The following PKHD1L1 variants were observed in gnomAD, a reference collection of about 807,000 sequenced individuals.
PKHD1L1 encodes the protein fibrocystin-L.
PKHD1L1 carries 434 observed loss-of-function variants against 462.9 expected under a neutral mutation model. That is an observed-to-expected ratio of 0.94 (90% CI 0.87 to 1.02). PKHD1L1 has a LOEUF of 1.02. PKHD1L1 is among the 50% of genes least tolerant of loss of function. The pLI is 0.00. For synonymous variants in PKHD1L1, 1,781 were observed against 1,750.0 expected (o/e 1.02, Z -0.44); for missense variants, 5,202 against 5,096.1 (o/e 1.02, Z -0.63).
At chr8:109,396,743 T>A (rs978930701) in intron 11 of PKHD1L1, among the ~76,000 whole-genome samples, 1 of 152,178 alleles carries the variant, frequency 6.6e-6, no homozygotes, top group Non-Finnish European at 1.5e-5. Flanking sequence ...AAGAGGTGAA[T>A]GTGATTGTGG....
Position 109,449,477 on chromosome 8 carries a change from A to T in PKHD1L1, c.6165A>T (p.Pro2055=). ...SDYTTLLCEI[P]SNNGTGAEQA... ...ACACAACACTATTATGTGAAATTCC[A>T]TCTAATAATGGTAAGTTGTCAGAAA... is the stretch of plus-strand genomic sequence containing the variant. Residue 2055 remains proline (P), a synonymous_variant, in exon 40 of 78, where the codon CCA becomes CCT. Coordinates refer to ENST00000378402, the MANE Select transcript of PKHD1L1 (RefSeq NM_177531.6). 1 of 1,592,564 alleles carries T rather than the reference A, an allele frequency of 6.3e-7. No homozygotes were observed. Among genetic ancestry groups the T allele is most frequent in the Non-Finnish European group, 8.6e-7 (1 of 1,169,156 alleles).
rs775729019 is a variant in PKHD1L1 at position 109,491,084 on chromosome 8, A to G, written c.10097A>G (p.His3366Arg). 6.2e-7 allele frequency: 1 copy of G among 1,608,780 alleles called. No individual in the cohort carries two copies. The highest frequency in any genetic ancestry group is 8.5e-7 in the Non-Finnish European group (1 of 1,176,420). ...TTGGACATAGATGACAACATCATTCACTTTACAGTGGGGGAAGGTAATATA... is the reference window on the plus strand; with the variant it reads ...TTGGACATAGATGACAACATCATTCGCTTTACAGTGGGGGAAGGTAATATA... ...DGLDIDDNII[H>R]FTVGEGIRIW... The change falls in exon 61 of 78, where the codon CAC becomes CGC. Residue 3366 changes from histidine (H) to arginine (R), a missense_variant. This residue lies in a region of PKHD1L1 where 4,497 missense variants were observed against 4,336.8 expected (regional missense o/e 1.04). Coordinates refer to ENST00000378402, the MANE Select transcript of PKHD1L1 (RefSeq NM_177531.6).
rs1259853864 is a variant in PKHD1L1, at chr8:109,400,299, C to A, written c.1236C>A (p.Asp412Glu). 1 of 1,613,348 alleles carries A rather than the reference C, an allele frequency of 6.2e-7. No individual in the cohort carries two copies. The highest frequency in any genetic ancestry group is 1.3e-5 in the African/African-American group (1 of 74,984). Residue 412 changes from aspartate (D) to glutamate (E), a missense_variant, in exon 13 of 78, where the codon GAC becomes GAA. Asp to Glu is a conservative substitution (Grantham distance 45). Transcript: ENST00000378402. ...ATAGATTCTACATCAAGGGTGATGACCGTTATGCTATTTATTTTAGCCAGA... is the reference window on the plus strand; with the variant it reads ...ATAGATTCTACATCAAGGGTGATGAACGTTATGCTATTTATTTTAGCCAGA... ...DVYRFYIKGD[D>E]RYAIYFSQTG...
chr8:109,506,991 G>C (rs1249309237), intron 68 of PKHD1L1, among the ~76,000 whole-genome samples: 1 of 152,076 alleles, frequency 6.6e-6, no homozygotes. Context: ...ATCTACATTT[G>C]AACTGCATGA....
In PKHD1L1 at chr8:109,388,576, A is replaced by T. The variant is rs1431771091; in HGVS notation, c.623+26A>T. The stretch of plus-strand genomic sequence containing the variant: ...GTAAGTAATTCAAATTATTTTCTTT[A>T]CAAAAACAAATAGCAGATATAAGCA... On this transcript the variant is annotated intron_variant, in intron 7 of 77. Transcript: ENST00000378402. The T allele has an allele frequency of 2.1e-6, 3 of 1,442,122 alleles. No individual in the cohort carries two copies. The African/African-American group carries it at 4.3e-5, about 21-fold the overall frequency. 89.3% of individuals were successfully genotyped at this position (1,442,122 alleles called of 1,614,324 possible).
At chr8:109,515,400 TCAA>T (rs1436172054) in intron 72 of PKHD1L1, 95 bp downstream of exon 72, 9 of 1,061,258 alleles carry the variant, frequency 8.5e-6, no homozygotes, top group African/African-American at 1.7e-5. Context: ...TCCTTATCTA[TCAA>T]TGATGGAGAA....
intron 77 of PKHD1L1, 139 bp from the exon 78 acceptor site, chr8:109,529,941 A>G: frequency 6.9e-6 from 3 of 433,072 alleles, no homozygotes; most frequent in Non-Finnish European, 1.1e-5. Context: ...TACTGATTCT[A>G]ACATTAAATG....
At chr8:109,370,647 A>G (rs1811456320) in intron 2 of PKHD1L1, among the ~76,000 whole-genome samples, 1 of 152,080 alleles carries the variant, frequency 6.6e-6, no homozygotes, top group African/African-American at 2.4e-5. Context: ...TACTAATGCT[A>G]TCCCTACCCC....
intron 2 of PKHD1L1, among the ~76,000 whole-genome samples, chr8:109,372,656 C>T (rs977608819): frequency 6.6e-6 from 1 of 152,078 alleles, no homozygotes; most frequent in African/African-American, 2.4e-5. Context: ...ACAGATAGCT[C>T]TTATTATTTT....
chr8:109,428,161 T>A (rs1814878082), intron 25 of PKHD1L1, among the ~76,000 whole-genome samples: 1 of 151,974 alleles, frequency 6.6e-6, no homozygotes, highest in South Asian at 2.1e-4. Flanking sequence ...AGTATCTTAA[T>A]ACAGAGACCT....
chr8:109,398,938 A>G (rs1813113975), intron 12 of PKHD1L1, among the ~76,000 whole-genome samples: 1 of 152,170 alleles, frequency 6.6e-6, no homozygotes, highest in African/African-American at 2.4e-5. Flanking sequence ...TCACTTGTCT[A>G]GAATAATGTG....
chr8:109,453,298 G>A (rs1816642191), intron 43 of PKHD1L1, among the ~76,000 whole-genome samples: 1 of 152,142 alleles, frequency 6.6e-6, no homozygotes, highest in Non-Finnish European at 1.5e-5. Flanking sequence ...GATTTGTTCA[G>A]GTCTATCCTA....
At chr8:109,494,366 T>C (rs1818984038) in intron 63 of PKHD1L1, among the ~76,000 whole-genome samples, 1 of 151,970 alleles carries the variant, frequency 6.6e-6, no homozygotes, top group Non-Finnish European at 1.5e-5. Flanking sequence ...CGTTTACCTT[T>C]ACTCAGTATT....
intron 5 of PKHD1L1, 51 bp downstream of exon 5, chr8:109,384,178 GT>G (rs1350474315): frequency 7.6e-7 from 1 of 1,307,412 alleles, no homozygotes; most frequent in Non-Finnish European, 1.1e-6. Flanking sequence ...TAAATAATGT[GT>G]TTATTTTTTA....
Position 109,501,996 on chromosome 8 carries a change from A to G in PKHD1L1, c.10829-2331A>G, listed in dbSNP as rs1819440599. On this transcript the variant is annotated intron_variant, in intron 67 of 77. Coordinates refer to ENST00000378402, the MANE Select transcript of PKHD1L1 (RefSeq NM_177531.6). ...CTTAGATCAGTTCTCTCTCCACAAA[A>G]AGTAGGTGACCCTGTGTACTACCCA... is the stretch of plus-strand genomic sequence containing the variant. 2.0e-5 allele frequency among the ~76,000 whole-genome samples: 3 copies of G among 152,014 alleles called. No homozygotes were observed. In the South Asian group the frequency reaches 6.2e-4, roughly 32 times the overall value.
chr8:109,380,691 A>G (rs549139492), intron 2 of PKHD1L1, among the ~76,000 whole-genome samples: 1 of 152,158 alleles, frequency 6.6e-6, no homozygotes, highest in Non-Finnish European at 1.5e-5. Flanking sequence ...AGAAATTCCC[A>G]GCAATATTGA....
chr8:109,480,631 C>A (rs1216918301), intron 55 of PKHD1L1: 1 of 455,378 alleles, frequency 2.2e-6, no homozygotes, highest in Non-Finnish European at 4.4e-6. Context: ...TGGTCTTGAA[C>A]CTGTACCAGC....
chr8:109,454,922 GT>G, intron 45 of PKHD1L1, 70 bp downstream of exon 45: 1 of 1,469,762 alleles, frequency 6.8e-7, no homozygotes, highest in Non-Finnish European at 9.2e-7. Context: ...TAATTATCCT[GT>G]GATAATTATA....
chr8:109,450,657 C>T (rs747879010), intron 40 of PKHD1L1, among the ~76,000 whole-genome samples: 9 of 152,258 alleles, frequency 5.9e-5, no homozygotes, highest in South Asian at 2.1e-4. Context: ...AGCAGTTCTT[C>T]CCTCCTTCCT....
Sources: allele counts gnomAD v4.1 joint callset (sites outside exome capture counted in the v4.1 genomes callset), GRCh38; gene constraint gnomAD v4.1.1; regional missense constraint gnomAD v4.1.1; transcripts MANE v1.5; gene names NCBI Gene and HGNC (gene_info 2026-07-23, HGNC 2026-07-21).